Variants in RAVER2 observed in about 807,000 individuals in gnomAD.
RAVER2 encodes ribonucleoprotein, PTB binding 2.
RAVER2 carries 46 observed loss-of-function variants against 78.1 expected under a neutral mutation model. That is an observed-to-expected ratio of 0.59 (90% CI 0.46 to 0.75). The LOEUF (loss-of-function observed/expected upper bound fraction) is 0.75. Among genes scored for constraint, RAVER2 ranks in the 30% least tolerant of loss-of-function variants. The pLI is 0.00. For missense variants in RAVER2, 793 were observed against 837.5 expected (o/e 0.95, Z 0.66); for synonymous variants, 311 against 313.3 (o/e 0.99, Z 0.08).
intron 5 of RAVER2, among the ~76,000 whole-genome samples, chr1:64,794,877 G>T (rs1177970664): frequency 6.6e-6 from 1 of 151,934 alleles, no homozygotes; most frequent in African/African-American, 2.4e-5. Flanking sequence ...TCATATTTGA[G>T]AAATCTTTGC....
chr1:64,778,301 A>T (rs139466097), intron 3 of RAVER2, among the ~76,000 whole-genome samples: 1 of 152,228 alleles, frequency 6.6e-6, no homozygotes, highest in Non-Finnish European at 1.5e-5. Flanking sequence ...GTAGTTAAGT[A>T]TGCCTTAGCA....
intron 4 of RAVER2, 152 bp downstream of exon 4, chr1:64,781,723 G>T: frequency 1.2e-6 from 1 of 822,842 alleles, no homozygotes; most frequent in Non-Finnish European, 1.8e-6. Flanking sequence ...TTTAAAAAAG[G>T]TTAGCTAAAT....
chr1:64,755,095 C>A (rs1462210853), intron 1 of RAVER2, among the ~76,000 whole-genome samples: 1 of 152,148 alleles, frequency 6.6e-6, no homozygotes, highest in Non-Finnish European at 1.5e-5. Context: ...CAAGAAGTTA[C>A]AATGTAATAT....
chr1:64,764,112 C>T (rs1652107661), intron 1 of RAVER2, among the ~76,000 whole-genome samples: 1 of 151,896 alleles, frequency 6.6e-6, no homozygotes, highest in Non-Finnish European at 1.5e-5. Flanking sequence ...GAATATTGTA[C>T]AGCAATAAAA....
intron 3 of RAVER2, among the ~76,000 whole-genome samples, chr1:64,778,698 A>AAT (rs36073002): frequency 0.04 from 6,003 of 148,298 alleles, 180 homozygotes; most frequent in African/African-American, 0.08. Flanking sequence ...CATTCTAATA[A>AAT]ATATATATAT....
chr1:64,809,521 T>TAAATAAATAAATAAAA (rs71584461), intron 9 of RAVER2, among the ~76,000 whole-genome samples: 15 of 151,704 alleles, frequency 9.9e-5, no homozygotes, highest in Admixed American at 4.6e-4. Flanking sequence ...AATAAATAAA[T>TAAATAAATAAATAAAA]AAAAGAGATT....
rs1308379019 is a variant in RAVER2, at chr1:64,781,375, A to G, written c.787-5A>G. 1 of 1,578,276 alleles carries G rather than the reference A, an allele frequency of 6.3e-7. No homozygotes were observed. Among genetic ancestry groups the G allele is most frequent in the Non-Finnish European group, 8.6e-7 (1 of 1,160,712 alleles). On this transcript the variant is annotated splice_region_variant and splice_polypyrimidine_tract_variant and intron_variant, in intron 3 of 11. Coordinates refer to ENST00000294428, the Ensembl canonical transcript of RAVER2. ...ATTACTGTTTAATAGAATGTATTGTATCAGCTTGCACAGGATGAAGGTAGT... is the reference window on the plus strand; with the variant it reads ...ATTACTGTTTAATAGAATGTATTGTGTCAGCTTGCACAGGATGAAGGTAGT...
At chr1:64,773,924 A>G (rs1457960612) in intron 2 of RAVER2, among the ~76,000 whole-genome samples, 1 of 152,170 alleles carries the variant, frequency 6.6e-6, no homozygotes, top group Non-Finnish European at 1.5e-5. Flanking sequence ...CATTTCTCTG[A>G]TGACCAGTGA....
At chr1:64,786,218 T>C (rs1570554390) in intron 4 of RAVER2, among the ~76,000 whole-genome samples, 1 of 152,306 alleles carries the variant, frequency 6.6e-6, no homozygotes, top group East Asian at 1.9e-4. Flanking sequence ...TTGTTGTTCT[T>C]ATTGGCTTTG....
intron 11 of RAVER2, among the ~76,000 whole-genome samples, chr1:64,825,920 G>A (rs931022705): frequency 6.6e-6 from 1 of 152,356 alleles, no homozygotes; most frequent in Admixed American, 6.5e-5. Flanking sequence ...GATTGGATTG[G>A]TGAGCAACAT....
At chr1:64,786,189 G>C (rs761290874) in intron 4 of RAVER2, among the ~76,000 whole-genome samples, 11 of 152,092 alleles carry the variant, frequency 7.2e-5, no homozygotes, top group Non-Finnish European at 1.6e-4. Flanking sequence ...TTTTTAAATG[G>C]AAGTTTTTAG....
chr1:64,761,689 T>A (rs1364609760), intron 1 of RAVER2, among the ~76,000 whole-genome samples: 3 of 152,162 alleles, frequency 2.0e-5, no homozygotes, highest in Non-Finnish European at 1.5e-5. Context: ...TGTATTGGAA[T>A]TCCTAGCTAA....
intron 11 of RAVER2, among the ~76,000 whole-genome samples, chr1:64,827,775 T>C (rs1294679969): frequency 6.6e-6 from 1 of 152,250 alleles, no homozygotes; most frequent in Non-Finnish European, 1.5e-5. Context: ...AAGTATCTAA[T>C]AGGGACAAGT....
intron 6 of RAVER2, among the ~76,000 whole-genome samples, chr1:64,803,477 A>T (rs888367734): frequency 6.6e-6 from 1 of 152,116 alleles, no homozygotes; most frequent in African/African-American, 2.4e-5. Flanking sequence ...AGAATAGAGT[A>T]TGTTTCCTAC....
intron 2 of RAVER2, among the ~76,000 whole-genome samples, chr1:64,771,885 G>GGTTA (rs34297554): frequency 0.49 from 73,533 of 151,498 alleles, 20,377 homozygotes; most frequent in African/African-American, 0.77. Flanking sequence ...GATAAAAGAT[G>GGTTA]CAATTCTTAA....
At chr1:64,794,475 A>C (rs962841085) in intron 5 of RAVER2, among the ~76,000 whole-genome samples, 1 of 150,288 alleles carries the variant, frequency 6.7e-6, no homozygotes, top group Non-Finnish European at 1.5e-5. Flanking sequence ...ATCAGTTTCT[A>C]GGGCTCCAGT....
chr1:64,791,662 A>G (rs1329765687), intron 5 of RAVER2, among the ~76,000 whole-genome samples: 1 of 152,144 alleles, frequency 6.6e-6, no homozygotes, highest in African/African-American at 2.4e-5. Flanking sequence ...TCTCTTTTAC[A>G]ATTTTAATAG....
intron 5 of RAVER2, among the ~76,000 whole-genome samples, chr1:64,798,961 T>G (rs1450394223): frequency 6.6e-6 from 1 of 152,186 alleles, no homozygotes; most frequent in South Asian, 2.1e-4. Context: ...CTCTTCTAGC[T>G]ATTTCAAAAT....
At chr1:64,809,007 TGAA>T (rs894228026) in intron 9 of RAVER2, among the ~76,000 whole-genome samples, 1 of 152,068 alleles carries the variant, frequency 6.6e-6, no homozygotes, top group Admixed American at 6.6e-5. Flanking sequence ...ATAAGTCCTG[TGAA>T]GAAGAATTCA....
Sources: gnomAD v4.1 joint callset for allele counts (sites outside exome capture counted in the v4.1 genomes callset) on GRCh38, gnomAD v4.1.1 for gene constraint, MANE v1.5 for transcripts, NCBI Gene and HGNC (gene_info 2026-07-23, HGNC 2026-07-21) for gene names.